Variants in ZC3H6 observed in about 807,000 individuals in gnomAD.
ZC3H6 encodes the protein zinc finger CCCH-type containing 6, also known as zinc finger CCCH domain-containing protein 6.
ZC3H6 carries 40 observed loss-of-function variants against 107.7 expected under a neutral mutation model. The ratio of observed to expected loss-of-function variants is 0.37; its 90% CI spans 0.29 to 0.48. The LOEUF is 0.48. Among genes scored for constraint, ZC3H6 ranks in the 20% least tolerant of loss-of-function variants. The pLI, the probability that ZC3H6 is intolerant of heterozygous loss-of-function variation, is 0.98. For missense variants in ZC3H6, 1,267 were observed against 1,410.4 expected (o/e 0.90, Z 1.63); for synonymous variants, 493 against 487.9 (o/e 1.01, Z -0.14).
At chr2:112,325,473 A>G (rs1346215736) in intron 11 of ZC3H6, among the ~76,000 whole-genome samples, 1 of 152,142 alleles carries the variant, frequency 6.6e-6, no homozygotes, top group African/African-American at 2.4e-5. Flanking sequence ...AGTCTCAAAA[A>G]AAAAAGGATT....
chr2:112,276,040 C>T lies in ZC3H6; in HGVS notation c.32+14C>T, dbSNP rs1301876626. ...AGGGCACGACAGGTCGGGAACCCTT[C>T]TTGTCTGTCTTTCTGTCGGATGAGA... On this transcript the variant is annotated intron_variant, in intron 1 of 11. Coordinates refer to ENST00000409871, the MANE Select transcript of ZC3H6 (RefSeq NM_198581.3). 4 of 1,540,426 alleles carry T rather than the reference C, an allele frequency of 2.6e-6. No homozygotes were observed. The highest frequency in any genetic ancestry group is 3.5e-6 in the Non-Finnish European group (4 of 1,142,380).
At chr2:112,308,880 C>G (rs1204677768) in intron 3 of ZC3H6, among the ~76,000 whole-genome samples, 1 of 151,316 alleles carries the variant, frequency 6.6e-6, no homozygotes, top group Admixed American at 6.6e-5. Flanking sequence ...AGTGAAACCC[C>G]ATCTCTACTA....
intron 5 of ZC3H6, among the ~76,000 whole-genome samples, chr2:112,316,152 C>G (rs1443062526): frequency 6.6e-6 from 1 of 152,088 alleles, no homozygotes; most frequent in Non-Finnish European, 1.5e-5. Flanking sequence ...ACATACCTAT[C>G]AATAATATGA....
chr2:112,275,878 C>A lies in ZC3H6; in HGVS notation c.-117C>A, dbSNP rs187710744. The A allele has an allele frequency of 5.3e-4, 413 of 777,696 alleles. 3 individuals carry two copies. The East Asian group carries it at 0.011, about 20-fold the overall frequency. The allele number at this position is 777,696 out of a possible 1,614,324, so 48.2% of individuals were successfully genotyped here. Reference sequence around the variant, plus strand: ...ACCGTGAGTTTTTACCACTTCGTCACCTGTCGGCGGCGGCCGGGAGCAGGT... The same window carrying A: ...ACCGTGAGTTTTTACCACTTCGTCAACTGTCGGCGGCGGCCGGGAGCAGGT... On this transcript the variant is annotated 5_prime_UTR_variant, in exon 1 of 12. Coordinates refer to ENST00000409871, the MANE Select transcript of ZC3H6 (RefSeq NM_198581.3).
chr2:112,289,062 C>CTT (rs532443613), intron 1 of ZC3H6, among the ~76,000 whole-genome samples: 1 of 125,286 alleles, frequency 8.0e-6, no homozygotes, highest in African/African-American at 2.9e-5. Context: ...TCTTTTTTTT[C>CTT]TTTTTTTTTT....
chr2:112,313,974 T>A (rs1676640733), intron 5 of ZC3H6, among the ~76,000 whole-genome samples: 1 of 152,216 alleles, frequency 6.6e-6, no homozygotes, highest in African/African-American at 2.4e-5. Context: ...ACTCTTAAAT[T>A]GTTTTAGTAT....
chr2:112,322,622 A>G (rs1676825119), intron 8 of ZC3H6, 27 bp from the exon 9 acceptor site: 1 of 1,570,398 alleles, frequency 6.4e-7, no homozygotes, highest in Non-Finnish European at 8.6e-7. Context: ...TCGCTTTGAA[A>G]TAGTAATCTT....
At chr2:112,290,617 A>G (rs558026097) in intron 1 of ZC3H6, among the ~76,000 whole-genome samples, 19 of 150,444 alleles carry the variant, frequency 1.3e-4, no homozygotes, top group East Asian at 9.7e-4. Flanking sequence ...CACTGAGAAC[A>G]TGGTGAATAA....
intron 7 of ZC3H6, among the ~76,000 whole-genome samples, chr2:112,320,647 A>G (rs565804769): frequency 2.6e-5 from 4 of 152,306 alleles, no homozygotes; most frequent in Admixed American, 1.3e-4. Context: ...CAGATTTGAC[A>G]TATTTCTTTA....
intron 1 of ZC3H6, among the ~76,000 whole-genome samples, chr2:112,295,124 G>GT (rs1453010214): frequency 6.6e-6 from 1 of 151,846 alleles, no homozygotes; most frequent in East Asian, 1.9e-4. Flanking sequence ...AATCTACTTT[G>GT]TATCTGTATA....
Position 112,331,641 on chromosome 2 carries a change from A to G in ZC3H6, c.2723A>G (p.Asp908Gly). The G allele has an allele frequency of 6.2e-7, 1 of 1,613,944 alleles. No homozygotes were observed. The highest frequency in any genetic ancestry group is 8.5e-7 in the Non-Finnish European group (1 of 1,179,880). The change falls in exon 12 of 12, where the codon GAC (aspartate) becomes GGC (glycine). Residue 908 changes from aspartate to glycine, a missense_variant. Transcript: ENST00000409871. Reference protein sequence around the residue: ...INLPLPPLIADQRLNRLWNTK... With the variant: ...INLPLPPLIAGQRLNRLWNTK... ...TTACCTCTGCCCCCACTTATAGCTGACCAGAGGCTAAATAGATTATGGAAT... is the reference window on the plus strand; with the variant it reads ...TTACCTCTGCCCCCACTTATAGCTGGCCAGAGGCTAAATAGATTATGGAAT...
At chr2:112,302,660 A>G (rs1486794185) in intron 2 of ZC3H6, among the ~76,000 whole-genome samples, 1 of 152,048 alleles carries the variant, frequency 6.6e-6, no homozygotes, top group Non-Finnish European at 1.5e-5. Context: ...GAAAAAGCTT[A>G]CTCTTGATAT....
chr2:112,331,931 T>G lies in ZC3H6; in HGVS notation c.3013T>G (p.Ser1005Ala). 1 of 1,613,970 alleles carries G rather than the reference T, an allele frequency of 6.2e-7. No homozygotes were observed. Among genetic ancestry groups the G allele is most frequent in the Admixed American group, 1.7e-5 (1 of 60,026 alleles). ...APHLPRSNPG[S>A]SQPSGAGTSN... Reference sequence around the variant, plus strand: ...TCACTTACCCAGATCAAACCCTGGTTCATCACAGCCCTCAGGGGCAGGAAC... The same window carrying G: ...TCACTTACCCAGATCAAACCCTGGTGCATCACAGCCCTCAGGGGCAGGAAC... The change falls in exon 12 of 12, where the codon TCA becomes GCA. Residue 1005 changes from serine (S) to alanine (A), a missense_variant. This residue lies in a region of ZC3H6 where 925 missense variants were observed against 1,025.7 expected (regional missense o/e 0.90). Coordinates refer to ENST00000409871, the MANE Select transcript of ZC3H6 (RefSeq NM_198581.3).
intron 7 of ZC3H6, 59 bp from the exon 8 acceptor site, chr2:112,321,697 G>T: frequency 9.9e-7 from 1 of 1,009,520 alleles, no homozygotes; most frequent in Non-Finnish European, 1.4e-6. Flanking sequence ...GTAGGTTTTG[G>T]TTTAAAAAAA....
At chr2:112,286,781 A>G (rs1320198058) in intron 1 of ZC3H6, among the ~76,000 whole-genome samples, 1 of 152,210 alleles carries the variant, frequency 6.6e-6, no homozygotes, top group Non-Finnish European at 1.5e-5. Context: ...CTGAATGATC[A>G]TGCAATCTCT....
intron 1 of ZC3H6, among the ~76,000 whole-genome samples, chr2:112,297,414 A>G (rs1034363067): frequency 2.4e-4 from 36 of 152,196 alleles, no homozygotes; most frequent in Non-Finnish European, 8.8e-5. Flanking sequence ...ATTTGCTGCC[A>G]TTTATACATA....
rs1297471439 is a variant in ZC3H6, at chr2:112,333,886, A to G, written c.*1398A>G. 6.6e-6 allele frequency: 1 copy of G among 152,096 alleles called. No homozygotes were observed. The highest frequency in any genetic ancestry group is 1.5e-5 in the Non-Finnish European group (1 of 67,956). The allele number at this position is 152,096 out of a possible 1,614,324, so 9.4% of individuals were successfully genotyped here. On this transcript the variant is annotated 3_prime_UTR_variant, in exon 12 of 12. Transcript: ENST00000409871. ...GATTTTTTTTTAAATATACAGTAAA[A>G]TATTTCGTGGGAACCTAACACTCAC... is the stretch of plus-strand genomic sequence containing the variant.
chr2:112,317,166 T>G, intron 6 of ZC3H6, 55 bp from the exon 7 acceptor site: 1 of 1,001,878 alleles, frequency 1.0e-6, no homozygotes, highest in Non-Finnish European at 1.4e-6. Context: ...GTTTCTTTGT[T>G]TCTCATTGTT....
chr2:112,316,711 A>G, intron 6 of ZC3H6, 125 bp downstream of exon 6: 1 of 596,864 alleles, frequency 1.7e-6, no homozygotes, highest in Non-Finnish European at 3.0e-6. Flanking sequence ...GGTCTTTAAA[A>G]TGTATCTTGC....
Sources: allele counts gnomAD v4.1 joint callset (sites outside exome capture counted in the v4.1 genomes callset), GRCh38; gene constraint gnomAD v4.1.1; regional missense constraint gnomAD v4.1.1; transcripts MANE v1.5; gene names NCBI Gene and HGNC (gene_info 2026-07-23, HGNC 2026-07-21).